SANBR: variants seen among roughly 807,000 people sequenced by gnomAD.
SANBR encodes the protein SANT and BTB domain regulator of class switch recombination.
SANBR carries 77 observed loss-of-function variants against 101.8 expected under a neutral mutation model. That is an observed-to-expected ratio of 0.76 (90% CI 0.63 to 0.91). The LOEUF (loss-of-function observed/expected upper bound fraction) is 0.91. Ranked by LOEUF, SANBR falls within the 40% of genes least tolerant of loss-of-function variation. SANBR has a pLI of 0.00. For synonymous variants in SANBR, 279 were observed against 274.7 expected (o/e 1.02, Z -0.15); for missense variants, 875 against 853.0 (o/e 1.03, Z -0.32).
Position 61,118,031 on chromosome 2 carries a change from A to G in SANBR, c.1943A>G (p.Gln648Arg). Residue 648 changes from glutamine to arginine, a missense_variant, in exon 20 of 22, where the codon CAA becomes CGA. Coordinates refer to ENST00000402291, the MANE Select transcript of SANBR (RefSeq NM_001129993.3). ...FNQDAQREDD[Q>R]RRMTEITGHL... Reference sequence around the variant, plus strand: ...TTTACTGTTTTTTTCCCTTCAGATCAACGGCGAATGACTGAAATTACAGGG... The same window carrying G: ...TTTACTGTTTTTTTCCCTTCAGATCGACGGCGAATGACTGAAATTACAGGG... The G allele has an allele frequency of 3.7e-6, 6 of 1,612,598 alleles. No individual in the cohort carries two copies. The highest frequency in any genetic ancestry group is 5.1e-6 in the Non-Finnish European group (6 of 1,179,024).
chr2:61,132,698 T>C (rs1009993056), intron 20 of SANBR, among the ~76,000 whole-genome samples: 4 of 152,208 alleles, frequency 2.6e-5, no homozygotes, highest in African/African-American at 4.8e-5. Flanking sequence ...AACCAATACT[T>C]GTACACAAAT....
intron 4 of SANBR, among the ~76,000 whole-genome samples, chr2:61,073,130 A>G (rs1024810842): frequency 6.6e-6 from 1 of 152,138 alleles, no homozygotes; most frequent in African/African-American, 2.4e-5. Context: ...TAATCTCAGC[A>G]GCGGCAGAGT....
intron 8 of SANBR, among the ~76,000 whole-genome samples, chr2:61,086,661 CTT>C (rs1682447518): frequency 6.6e-6 from 1 of 152,114 alleles, no homozygotes; most frequent in Admixed American, 6.6e-5. Flanking sequence ...ATTTAGAAAA[CTT>C]TTTTCCGGAT....
In SANBR at chr2:61,121,185, T is replaced by C; in HGVS notation, c.2029T>C (p.Phe677Leu). ...DRVKSKEAKEFAGGIYSRLEA... is the reference protein window; with the variant it reads ...DRVKSKEAKELAGGIYSRLEA... ...ACAGTATTGCTTCTTTATTCTGCAG[T>C]TTGCAGGAGGTATTTATTCCAGGCT... is the stretch of plus-strand genomic sequence containing the variant. The change falls in exon 21 of 22, where the codon TTT becomes CTT. Residue 677 changes from phenylalanine to leucine, a missense_variant and splice_region_variant. Coordinates refer to ENST00000402291, the MANE Select transcript of SANBR (RefSeq NM_001129993.3). The C allele has an allele frequency of 6.5e-7, 1 of 1,548,792 alleles. No homozygotes were observed. The highest frequency in any genetic ancestry group is 1.2e-5 in the South Asian group (1 of 83,978).
At chr2:61,094,644 T>TC (rs1417216973) in intron 11 of SANBR, among the ~76,000 whole-genome samples, 34 of 145,372 alleles carry the variant, frequency 2.3e-4, no homozygotes, top group African/African-American at 8.6e-4. Flanking sequence ...TCTTCTTTTT[T>TC]TTTTTTTTTT....
At chr2:61,088,623 C>T (rs545245311) in intron 10 of SANBR, 155 bp downstream of exon 10, 3 of 432,330 alleles carry the variant, frequency 6.9e-6, no homozygotes, top group East Asian at 4.4e-5. Context: ...CAGGTTCAAG[C>T]GATTCTCCTG....
intron 20 of SANBR, among the ~76,000 whole-genome samples, chr2:61,120,725 CA>C (rs1223346859): frequency 9.9e-5 from 15 of 151,072 alleles, no homozygotes; most frequent in Non-Finnish European, 1.8e-4. Flanking sequence ...ATGCTGTCTC[CA>C]AAAAAAAGGA....
At chr2:61,066,365 C>T (rs1407038326) in intron 1 of SANBR, 1 of 152,488 alleles carries the variant, frequency 6.6e-6, no homozygotes, top group African/African-American at 2.4e-5. Flanking sequence ...CGCTCTGCGC[C>T]CCTGGAGTTT....
At chr2:61,120,495 C>T (rs1336538776) in intron 20 of SANBR, among the ~76,000 whole-genome samples, 2 of 152,076 alleles carry the variant, frequency 1.3e-5, no homozygotes, top group Non-Finnish European at 2.9e-5. Context: ...GAGCGATACT[C>T]CATCTCAAAA....
chr2:61,100,232 G>A (rs1183488635), intron 12 of SANBR, among the ~76,000 whole-genome samples: 2 of 152,156 alleles, frequency 1.3e-5, no homozygotes, highest in East Asian at 1.9e-4. Flanking sequence ...AGCCTCCCAA[G>A]TAGCTGGGAT....
chr2:61,121,243 G>T lies in SANBR; in HGVS notation c.2087G>T (p.Ser696Ile), dbSNP rs1684318271. The part of the protein sequence containing the change: ...EAQIKASVPV[S>I]ARQSSSEKNT... Reference sequence around the variant, plus strand: ...CAAATCAAGGCCTCAGTGCCAGTTAGTGCACGCCAAAGCAGCTCAGAGAAA... The same window carrying T: ...CAAATCAAGGCCTCAGTGCCAGTTATTGCACGCCAAAGCAGCTCAGAGAAA... Residue 696 changes from serine (S) to isoleucine (I), a missense_variant, in exon 21 of 22, where the codon AGT becomes ATT. Ser to Ile is a moderately radical substitution (Grantham distance 142). Coordinates refer to ENST00000402291, the MANE Select transcript of SANBR (RefSeq NM_001129993.3). 2.6e-6 allele frequency: 4 copies of T among 1,551,164 alleles called. No homozygotes were observed. Among genetic ancestry groups the T allele is most frequent in the Non-Finnish European group, 3.5e-6 (4 of 1,146,574 alleles).
At chr2:61,108,701 C>T (rs1256266989) in intron 15 of SANBR, among the ~76,000 whole-genome samples, 2 of 151,368 alleles carry the variant, frequency 1.3e-5, no homozygotes, top group Non-Finnish European at 1.5e-5. Context: ...CAGTACTATG[C>T]TGTCTGCCAT....
chr2:61,079,610 G>A (rs1681983537), intron 6 of SANBR, among the ~76,000 whole-genome samples: 1 of 152,006 alleles, frequency 6.6e-6, no homozygotes. Flanking sequence ...GCTATAATAT[G>A]TATGTGTGCA....
At chr2:61,102,968 A>T (rs1344019035) in intron 12 of SANBR, among the ~76,000 whole-genome samples, 1 of 152,082 alleles carries the variant, frequency 6.6e-6, no homozygotes, top group Non-Finnish European at 1.5e-5. Flanking sequence ...CAGATAAAAG[A>T]ATGTTCATAG....
At chr2:61,103,082 A>G (rs1729672) in intron 12 of SANBR, among the ~76,000 whole-genome samples, 37,246 of 151,804 alleles carry the variant, frequency 0.25, 4,926 homozygotes, top group Middle Eastern at 0.38. Flanking sequence ...ATTAAAGCAA[A>G]TATTATTATT....
downstream of SANBR, among the ~76,000 whole-genome samples, chr2:61,128,323 C>T (rs1403696102): frequency 2.0e-5 from 3 of 150,964 alleles, no homozygotes; most frequent in Non-Finnish European, 2.9e-5. Flanking sequence ...GTAAGATCAA[C>T]AGCTGACTTC....
chr2:61,086,472 T>G (rs1468581763), intron 8 of SANBR, among the ~76,000 whole-genome samples: 1 of 152,142 alleles, frequency 6.6e-6, no homozygotes, highest in Non-Finnish European at 1.5e-5. Context: ...CTACCCAATA[T>G]TTAGAGATGC....
chr2:61,113,237 A>G (rs1244355381), intron 16 of SANBR, among the ~76,000 whole-genome samples: 4 of 152,210 alleles, frequency 2.6e-5, no homozygotes, highest in African/African-American at 9.6e-5. Flanking sequence ...TGTAGATTTT[A>G]GTGAGTCTTG....
At chr2:61,110,933 G>T (rs940219394) in intron 16 of SANBR, among the ~76,000 whole-genome samples, 12 of 151,978 alleles carry the variant, frequency 7.9e-5, no homozygotes, top group Non-Finnish European at 1.2e-4. Context: ...TAACTCTTAG[G>T]TTATCTTTTT....
Sources: allele counts gnomAD v4.1 joint callset (sites outside exome capture counted in the v4.1 genomes callset), GRCh38; gene constraint gnomAD v4.1.1; transcripts MANE v1.5; gene names NCBI Gene and HGNC (gene_info 2026-07-23, HGNC 2026-07-21).